NALF1: variants seen among roughly 807,000 people sequenced by gnomAD.
The protein encoded by NALF1 is NALCN channel auxiliary factor 1, also known as family with sequence similarity 155 member A.
In NALF1, 3 loss-of-function variants were observed where a neutral mutation model predicts 48.4. The observed-to-expected ratio is 0.06, with a 90% CI of 0.03 to 0.16. The LOEUF (loss-of-function observed/expected upper bound fraction) is 0.16. Ranked by LOEUF, NALF1 falls within the 10% of genes least tolerant of loss-of-function variation. The pLI is 1.00. For synonymous variants in NALF1, 262 were observed against 245.7 expected, an observed-to-expected ratio of 1.07 and a Z score of -0.62; for missense variants, 526 against 571.5, an observed-to-expected ratio of 0.92 and a Z score of 0.81.
chr13:107,326,667 G>T (rs1350728393), intron 1 of NALF1, among the ~76,000 whole-genome samples: 2 of 152,170 alleles, frequency 1.3e-5, no homozygotes, highest in Non-Finnish European at 2.9e-5. Flanking sequence ...AGTGTTGAAG[G>T]TTTGTGAATT....
rs184366889 is a variant in NALF1, at chr13:107,753,768, A to C, written c.915+111914T>G. On this transcript the variant is annotated intron_variant, in intron 1 of 2. Coordinates refer to ENST00000375915, the MANE Select transcript of NALF1 (RefSeq NM_001080396.3). The stretch of plus-strand genomic sequence containing the variant: ...ATTTTTAAAGTTCTCAACAGAATGC[A>C]ATACTGGGCCAAAACTGAAAAGATG... Among the ~76,000 whole-genome samples the C allele has an allele frequency of 2.6e-3, 390 of 152,286 alleles. 2 individuals carry two copies. Among genetic ancestry groups the C allele is most frequent in the Non-Finnish European group, 3.4e-3 (234 of 68,024 alleles).
intron 1 of NALF1, among the ~76,000 whole-genome samples, chr13:107,288,177 A>G (rs1416259601): frequency 6.6e-6 from 1 of 151,306 alleles, no homozygotes; most frequent in Non-Finnish European, 1.5e-5. Flanking sequence ...TTAATAGAAG[A>G]TTAGTTTTGT....
At chr13:107,564,952 G>A (rs1032793741) in intron 1 of NALF1, among the ~76,000 whole-genome samples, 3 of 151,222 alleles carry the variant, frequency 2.0e-5, no homozygotes, top group Admixed American at 6.6e-5. Context: ...GACCACGTGC[G>A]GCCACTCAGC....
chr13:107,322,509 T>C (rs891681859), intron 1 of NALF1, among the ~76,000 whole-genome samples: 6 of 152,166 alleles, frequency 3.9e-5, no homozygotes, highest in African/African-American at 1.4e-4. Context: ...TTGTTCTCCC[T>C]TTTGAATTAA....
chr13:107,608,910 A>G (rs1879146250), intron 1 of NALF1, among the ~76,000 whole-genome samples: 1 of 152,198 alleles, frequency 6.6e-6, no homozygotes, highest in Non-Finnish European at 1.5e-5. Flanking sequence ...GCACTCAGCA[A>G]GAGTGGGACA....
intron 2 of NALF1, among the ~76,000 whole-genome samples, chr13:107,176,053 C>T (rs1468920682): frequency 6.6e-6 from 1 of 152,110 alleles, no homozygotes; most frequent in Non-Finnish European, 1.5e-5. Flanking sequence ...GACAAATTTC[C>T]TAGGAAAGCC....
intron 1 of NALF1, among the ~76,000 whole-genome samples, chr13:107,421,359 T>C (rs772117734): frequency 2.6e-5 from 4 of 152,210 alleles, no homozygotes; most frequent in African/African-American, 4.8e-5. Context: ...CAGATAATCA[T>C]AGTTTCATAT....
chr13:107,456,875 A>C (rs1179859983), intron 1 of NALF1, among the ~76,000 whole-genome samples: 3 of 152,190 alleles, frequency 2.0e-5, no homozygotes, highest in Non-Finnish European at 2.9e-5. Context: ...GTTCCTGTAA[A>C]AAAGAGGGAT....
chr13:107,728,224 C>G (rs912514784), intron 1 of NALF1, among the ~76,000 whole-genome samples: 2 of 152,184 alleles, frequency 1.3e-5, no homozygotes, highest in African/African-American at 4.8e-5. Flanking sequence ...TATAAAGACA[C>G]ATGCCCATGT....
At chr13:107,824,737 T>C (rs1879461577) in intron 1 of NALF1, among the ~76,000 whole-genome samples, 1 of 152,236 alleles carries the variant, frequency 6.6e-6, no homozygotes, top group East Asian at 1.9e-4. Context: ...AAGCCAGAAC[T>C]GCAAGTGCAG....
intron 1 of NALF1, among the ~76,000 whole-genome samples, chr13:107,591,548 G>C (rs1321252524): frequency 6.6e-6 from 1 of 151,828 alleles, no homozygotes; most frequent in African/African-American, 2.4e-5. Flanking sequence ...TTTATTATGG[G>C]GTTGACTTTG....
intron 1 of NALF1, among the ~76,000 whole-genome samples, chr13:107,467,327 T>TTACTAAGAGACTAAGGTTATTTCAC (rs1885020937): frequency 6.6e-6 from 1 of 152,218 alleles, no homozygotes; most frequent in Admixed American, 6.5e-5. Context: ...TATACTTTCA[T>TTACTAAGAGACTAAGGTTATTTCAC]TACTAAGAGA....
chr13:107,800,389 T>C (rs768306265), intron 1 of NALF1, among the ~76,000 whole-genome samples: 14 of 151,930 alleles, frequency 9.2e-5, no homozygotes, highest in Non-Finnish European at 1.8e-4. Flanking sequence ...TGTCATGATT[T>C]ACACTCATGG....
At chr13:107,444,294 C>A (rs1566344957) in intron 1 of NALF1, among the ~76,000 whole-genome samples, 1 of 152,112 alleles carries the variant, frequency 6.6e-6, no homozygotes, top group East Asian at 1.9e-4. Context: ...GTAGAGCAGT[C>A]TTTGACTTGG....
intron 1 of NALF1, among the ~76,000 whole-genome samples, chr13:107,238,147 G>A (rs74481717): frequency 0.015 from 2,309 of 152,302 alleles, 57 homozygotes; most frequent in African/African-American, 0.053. Context: ...GGCTTTGCCT[G>A]TTAAGCAGAT....
chr13:107,523,758 A>G (rs1039437071), intron 1 of NALF1, among the ~76,000 whole-genome samples: 5 of 151,960 alleles, frequency 3.3e-5, no homozygotes, highest in African/African-American at 1.2e-4. Flanking sequence ...TAAAAATAAC[A>G]AATTATTTTG....
At position 107,196,788 on chromosome 13, in the gene NALF1, C is replaced by T. The variant is rs184591676; in HGVS notation, c.1087+13796G>A. Among the ~76,000 whole-genome samples the T allele has an allele frequency of 5.3e-5, 8 of 152,050 alleles. No homozygotes were observed. The East Asian group carries it at 7.7e-4, about 15-fold the overall frequency. On this transcript the variant is annotated intron_variant, in intron 2 of 2. Coordinates refer to ENST00000375915, the MANE Select transcript of NALF1 (RefSeq NM_001080396.3). ...TGTAGAACATGAGGACTAATAATAG[C>T]GTATTGTATTCAGGATTTTTGTTAA...
intron 1 of NALF1, among the ~76,000 whole-genome samples, chr13:107,677,931 G>A (rs1366319045): frequency 6.6e-6 from 1 of 152,192 alleles, no homozygotes; most frequent in African/African-American, 2.4e-5. Context: ...TAGAGAGGCA[G>A]CTTCTTATTC....
intron 1 of NALF1, among the ~76,000 whole-genome samples, chr13:107,268,570 G>A (rs1326596154): frequency 6.6e-6 from 1 of 152,184 alleles, no homozygotes; most frequent in African/African-American, 2.4e-5. Flanking sequence ...CTGGGTAAAG[G>A]ATGTGTAATA....
Sources: allele counts gnomAD v4.1 joint callset (sites outside exome capture counted in the v4.1 genomes callset), GRCh38; gene constraint gnomAD v4.1.1; transcripts MANE v1.5; gene names NCBI Gene and HGNC (gene_info 2026-07-23, HGNC 2026-07-21).